Variants in EPHB1 observed in about 807,000 individuals in gnomAD.
The protein encoded by EPHB1 is EPH receptor B1, also known as ephrin type-B receptor 1.
In EPHB1, 30 loss-of-function variants were observed where a neutral mutation model predicts 94.4. That is an observed-to-expected ratio of 0.32 (90% confidence interval 0.24 to 0.43). EPHB1 has a LOEUF of 0.43. EPHB1 is among the 20% of genes least tolerant of loss of function. EPHB1 has a pLI of 1.00. For missense variants in EPHB1, 1,055 were observed against 1,308.3 expected (o/e 0.81, Z 2.99); for synonymous variants, 522 against 489.1 (o/e 1.07, Z -0.89).
chr3:134,800,018 GCA>G (rs2035908091), intron 1 of EPHB1, among the ~76,000 whole-genome samples: 1 of 152,128 alleles, frequency 6.6e-6, no homozygotes, highest in Non-Finnish European at 1.5e-5. Context: ...TGAACTCGGG[GCA>G]ATGAAAGGAA....
chr3:135,242,070 G>A (rs1943797791), intron 13 of EPHB1, among the ~76,000 whole-genome samples: 1 of 152,182 alleles, frequency 6.6e-6, no homozygotes, highest in Admixed American at 6.5e-5. Flanking sequence ...AAAAGGTGAG[G>A]AAGCCTTTTT....
chr3:134,935,634 A>C (rs2038987230), intron 2 of EPHB1, among the ~76,000 whole-genome samples: 3 of 152,148 alleles, frequency 2.0e-5, no homozygotes, highest in African/African-American at 7.2e-5. Context: ...TGTAAGACTC[A>C]GTGCAGTACC....
intron 3 of EPHB1, among the ~76,000 whole-genome samples, chr3:135,034,363 A>G (rs1406158190): frequency 6.6e-6 from 1 of 152,228 alleles, no homozygotes; most frequent in Non-Finnish European, 1.5e-5. Context: ...GGCAAGGGGC[A>G]GGCAGACTTC....
chr3:135,098,740 G>C (rs1421941779), intron 3 of EPHB1, among the ~76,000 whole-genome samples: 1 of 152,066 alleles, frequency 6.6e-6, no homozygotes, highest in Admixed American at 6.5e-5. Context: ...GACCGAGCAT[G>C]TTGGCTTACT....
intron 13 of EPHB1, 63 bp downstream of exon 13, chr3:135,241,360 A>C: frequency 6.3e-7 from 1 of 1,596,652 alleles, no homozygotes; most frequent in South Asian, 1.1e-5. Flanking sequence ...AGGCAGTAGC[A>C]TACCAATTCC....
intron 10 of EPHB1, among the ~76,000 whole-genome samples, chr3:135,191,946 G>A (rs1316877956): frequency 6.6e-6 from 1 of 152,296 alleles, no homozygotes; most frequent in East Asian, 1.9e-4. Context: ...CTCTGCTCTG[G>A]CTCTCCCTTT....
At chr3:135,002,631 T>A (rs933603361) in intron 3 of EPHB1, among the ~76,000 whole-genome samples, 3 of 152,088 alleles carry the variant, frequency 2.0e-5, no homozygotes, top group African/African-American at 7.2e-5. Context: ...TGCCACAACT[T>A]CAGATCCTGT....
intron 2 of EPHB1, among the ~76,000 whole-genome samples, chr3:134,947,831 G>A (rs2039241766): frequency 6.6e-6 from 1 of 152,176 alleles, no homozygotes; most frequent in Non-Finnish European, 1.5e-5. Flanking sequence ...GTCTTGCTCT[G>A]TCACCCAGGC....
intron 1 of EPHB1, among the ~76,000 whole-genome samples, chr3:134,807,542 A>T (rs1195735036): frequency 1.5e-3 from 7 of 4,614 alleles, no homozygotes; most frequent in Non-Finnish European, 3.2e-3. Context: ...TGTGTGTGTG[A>T]GAGAGAGAGG....
intron 1 of EPHB1, among the ~76,000 whole-genome samples, chr3:134,871,528 C>T (rs73214901): frequency 0.084 from 12,847 of 152,180 alleles, 569 homozygotes; most frequent in Middle Eastern, 0.1. Flanking sequence ...TCTGCTTCTT[C>T]ACCATTATAA....
At chr3:134,988,365 T>C (rs1934674609) in intron 3 of EPHB1, among the ~76,000 whole-genome samples, 2 of 152,218 alleles carry the variant, frequency 1.3e-5, no homozygotes, top group Non-Finnish European at 2.9e-5. Context: ...TCATTGGCAT[T>C]CCTTTGTCTT....
intron 3 of EPHB1, among the ~76,000 whole-genome samples, chr3:135,096,201 A>G (rs1294629772): frequency 6.6e-6 from 1 of 152,218 alleles, no homozygotes; most frequent in Non-Finnish European, 1.5e-5. Context: ...TTTTACATGT[A>G]TTACACTGAT....
intron 3 of EPHB1, among the ~76,000 whole-genome samples, chr3:135,076,091 AC>A (rs1380675755): frequency 6.6e-5 from 10 of 152,294 alleles, no homozygotes; most frequent in African/African-American, 2.4e-4. Flanking sequence ...AAAAGGAAAA[AC>A]AAAAACTATA....
At position 135,192,635 on chromosome 3, in the gene EPHB1, G is replaced by A. The variant is rs1341771878; in HGVS notation, c.1942G>A (p.Val648Met). ...LKLPGKREIY[V>M]AIKTLKAGYS... ...ACTGCCAGGCAAGAGGGAAATCTAC[G>A]TGGCCATCAAGACCCTGAAGGCAGG... is the stretch of plus-strand genomic sequence containing the variant. The change falls in exon 11 of 16, where the codon GTG (valine) becomes ATG (methionine). Residue 648 changes from valine to methionine, a missense_variant. Val to Met is a conservative substitution (Grantham distance 21, BLOSUM62 1). Coordinates refer to ENST00000398015, the MANE Select transcript of EPHB1 (RefSeq NM_004441.5). 1.9e-6 allele frequency: 3 copies of A among 1,613,974 alleles called. No homozygotes were observed. Among genetic ancestry groups the A allele is most frequent in the East Asian group, 2.2e-5 (1 of 44,878 alleles).
chr3:135,241,429 C>G lies in EPHB1; in HGVS notation c.2496+132C>G, dbSNP rs550159960. The G allele has an allele frequency of 1.2e-5, 13 of 1,127,218 alleles. No homozygotes were observed. The African/African-American group carries it at 1.9e-4, about 16-fold the overall frequency. 69.8% of individuals were successfully genotyped at this position (1,127,218 alleles called of 1,614,324 possible). On this transcript the variant is annotated intron_variant, in intron 13 of 15. Transcript: ENST00000398015. ...CCTGCAGTGTTCAGGGTAGGGGATA[C>G]AGGGACACCCTTAGCATGGATGTTG...
chr3:135,020,875 C>T (rs373570560), intron 3 of EPHB1, among the ~76,000 whole-genome samples: 1 of 152,082 alleles, frequency 6.6e-6, no homozygotes, highest in African/African-American at 2.4e-5. Context: ...AATGTATTTT[C>T]GTAAATAGTA....
At position 134,854,306 on chromosome 3, in the gene EPHB1, G is replaced by A. The variant is rs139574320; in HGVS notation, c.58+58617G>A. Among the ~76,000 whole-genome samples the A allele has an allele frequency of 7.9e-5, 12 of 152,234 alleles. No individual in the cohort carries two copies. In the East Asian group the frequency reaches 1.7e-3, roughly 22 times the overall value. On this transcript the variant is annotated intron_variant, in intron 1 of 15. Coordinates refer to ENST00000398015, the MANE Select transcript of EPHB1 (RefSeq NM_004441.5). ...TTCTGCTTGATGATTTAGGGGCTGAGCCAAGCCTGAAAGGAGCCGTTTGGG... is the reference window on the plus strand; with the variant it reads ...TTCTGCTTGATGATTTAGGGGCTGAACCAAGCCTGAAAGGAGCCGTTTGGG...
At chr3:135,155,643 A>AGGTTGCAGTGAGCCTAGTGATCT (rs1445786923) in intron 6 of EPHB1, among the ~76,000 whole-genome samples, 2 of 151,046 alleles carry the variant, frequency 1.3e-5, no homozygotes, top group African/African-American at 2.5e-5. Context: ...ATCTCTACTA[A>AGGTTGCAGTGAGCCTAGTGATCT]AAATACAAAA....
intron 1 of EPHB1, among the ~76,000 whole-genome samples, chr3:134,919,841 G>GGTGTGT (rs10663205): frequency 0.085 from 12,686 of 149,688 alleles, 821 homozygotes; most frequent in East Asian, 0.32. Context: ...TTAGGGCAGG[G>GGTGTGT]GTGTGTGTGT....
Sources: allele counts gnomAD v4.1 joint callset (sites outside exome capture counted in the v4.1 genomes callset), GRCh38; gene constraint gnomAD v4.1.1; transcripts MANE v1.5; gene names NCBI Gene and HGNC (gene_info 2026-07-23, HGNC 2026-07-21).